The following TBC1D4 variants were observed in gnomAD, a reference collection of about 807,000 sequenced individuals.
The protein encoded by TBC1D4 is TBC1 domain family member 4, also known as TBC (Tre-2, BUB2, CDC16) domain-containing protein.
In TBC1D4, 121 loss-of-function variants were observed where a neutral mutation model predicts 142.5. The ratio of observed to expected loss-of-function variants is 0.85; its 90% confidence interval spans 0.73 to 0.99. The LOEUF is 0.99. Among genes scored for constraint, TBC1D4 ranks in the 50% least tolerant of loss-of-function variants. The probability of loss-of-function intolerance (pLI) is 0.00; values close to 1 mark genes in which losing one functional copy is unlikely to be tolerated. For synonymous variants in TBC1D4, 630 were observed against 628.2 expected (o/e 1.00, Z -0.04); for missense variants, 1,475 against 1,606.6 (o/e 0.92, Z 1.40).
At chr13:75,312,078 A>AT (rs1877810757) in intron 13 of TBC1D4, among the ~76,000 whole-genome samples, 1 of 151,910 alleles carries the variant, frequency 6.6e-6, no homozygotes, top group South Asian at 2.1e-4. Flanking sequence ...TGTTCTCATG[A>AT]TTGTTCTATC....
intron 1 of TBC1D4, among the ~76,000 whole-genome samples, chr13:75,444,169 C>T (rs1458726641): frequency 2.0e-5 from 3 of 152,114 alleles, no homozygotes; most frequent in East Asian, 1.9e-4. Flanking sequence ...GTTGCGAAAG[C>T]GGAGCGCAGT....
intron 11 of TBC1D4, among the ~76,000 whole-genome samples, chr13:75,321,076 C>G (rs1356423884): frequency 1.3e-5 from 2 of 151,468 alleles, no homozygotes; most frequent in African/African-American, 2.4e-5. Flanking sequence ...GTTAGCGTAT[C>G]TCCTACCCTA....
At chr13:75,345,591 T>C (rs1269380495) in intron 5 of TBC1D4, among the ~76,000 whole-genome samples, 1 of 152,136 alleles carries the variant, frequency 6.6e-6, no homozygotes, top group Non-Finnish European at 1.5e-5. Context: ...TTCTTTTTCT[T>C]TAAAAAGGTA....
chr13:75,315,289 C>A (rs772251799), intron 12 of TBC1D4, among the ~76,000 whole-genome samples: 1 of 150,778 alleles, frequency 6.6e-6, no homozygotes, highest in East Asian at 1.9e-4. Context: ...GCCTGAGCAA[C>A]AGGGCAAGAC....
At chr13:75,441,747 C>A (rs907382014) in intron 1 of TBC1D4, among the ~76,000 whole-genome samples, 11 of 152,104 alleles carry the variant, frequency 7.2e-5, no homozygotes, top group African/African-American at 2.7e-4. Flanking sequence ...GAATGACAAC[C>A]CTTCAGCCTT....
chr13:75,337,232 A>G (rs760756611), intron 7 of TBC1D4, among the ~76,000 whole-genome samples, 192 bp from the exon 8 acceptor site: 5 of 152,188 alleles, frequency 3.3e-5, no homozygotes, highest in Non-Finnish European at 5.9e-5. Context: ...TTCATATTGT[A>G]TGTAATAAAA....
At chr13:75,466,784 T>C (rs1888186346) in intron 1 of TBC1D4, among the ~76,000 whole-genome samples, 1 of 151,824 alleles carries the variant, frequency 6.6e-6, no homozygotes, top group East Asian at 1.9e-4. Flanking sequence ...GGCAGGAGAA[T>C]CGCTTAAGCC....
At chr13:75,401,122 C>T (rs925475898) in intron 1 of TBC1D4, among the ~76,000 whole-genome samples, 1 of 152,176 alleles carries the variant, frequency 6.6e-6, no homozygotes, top group African/African-American at 2.4e-5. Context: ...TATCAAAATG[C>T]TTTCAAAAAT....
intron 19 of TBC1D4, 68 bp downstream of exon 19, chr13:75,292,034 G>T (rs1345092545): frequency 3.0e-6 from 4 of 1,335,048 alleles, no homozygotes; most frequent in East Asian, 4.7e-5. Context: ...ACATTTTTAG[G>T]CTAAAGCATT....
chr13:75,431,782 C>T (rs1886600725), intron 1 of TBC1D4, among the ~76,000 whole-genome samples: 1 of 152,058 alleles, frequency 6.6e-6, no homozygotes, highest in African/African-American at 2.4e-5. Flanking sequence ...AGGATCTGTA[C>T]TGGTACTAAA....
At chr13:75,409,486 A>G (rs768217929) in intron 1 of TBC1D4, among the ~76,000 whole-genome samples, 1 of 152,142 alleles carries the variant, frequency 6.6e-6, no homozygotes, top group Non-Finnish European at 1.5e-5. Context: ...TTCCTTCCCA[A>G]TGTAGATTTA....
intron 1 of TBC1D4, among the ~76,000 whole-genome samples, chr13:75,370,440 G>A (rs1307437330): frequency 6.6e-6 from 1 of 152,188 alleles, no homozygotes; most frequent in African/African-American, 2.4e-5. Flanking sequence ...GGTGTCTACT[G>A]CACTCATCCA....
chr13:75,452,697 T>G (rs1593902136), intron 1 of TBC1D4, among the ~76,000 whole-genome samples: 1 of 152,302 alleles, frequency 6.6e-6, no homozygotes, highest in East Asian at 1.9e-4. Flanking sequence ...CTGGTGAAAG[T>G]TGAACTATAC....
intron 15 of TBC1D4, 172 bp from the exon 16 acceptor site, chr13:75,302,573 G>A (rs1334383379): frequency 5.6e-6 from 4 of 708,458 alleles, no homozygotes; most frequent in Non-Finnish European, 9.5e-6. Flanking sequence ...GAATCCTATA[G>A]CTCTTGATGC....
chr13:75,330,773 T>G (rs1050681138), intron 8 of TBC1D4, among the ~76,000 whole-genome samples: 3 of 152,252 alleles, frequency 2.0e-5, no homozygotes, highest in Admixed American at 1.3e-4. Flanking sequence ...CAAATTCTTT[T>G]CAGTTCTTCA....
intron 1 of TBC1D4, among the ~76,000 whole-genome samples, chr13:75,426,060 T>C (rs1886359861): frequency 6.6e-6 from 1 of 152,204 alleles, no homozygotes; most frequent in Admixed American, 6.5e-5. Context: ...CAAAACATCA[T>C]GTTTTATACC....
At position 75,478,099 on chromosome 13, in the gene TBC1D4, C is replaced by A. The variant is rs765512333; in HGVS notation, c.498+3171G>T. Among the ~76,000 whole-genome samples the A allele has an allele frequency of 1.3e-5, 2 of 152,188 alleles. 1 individual carries two copies. The highest frequency in any genetic ancestry group is 2.9e-5 in the Non-Finnish European group (2 of 68,030). ...CAACTCCCCACAACAGACCCCCAAG[C>A]GATTAGTACAGCACTCCCAGCTCTA... On this transcript the variant is annotated intron_variant, in intron 1 of 20. Coordinates refer to ENST00000377636, the MANE Select transcript of TBC1D4 (RefSeq NM_014832.5).
intron 5 of TBC1D4, 51 bp downstream of exon 5, chr13:75,349,119 C>T: frequency 6.2e-7 from 1 of 1,613,158 alleles, no homozygotes; most frequent in South Asian, 1.1e-5. Flanking sequence ...TTTCTCATTT[C>T]CCAAATGCCA....
In TBC1D4 at chr13:75,379,262, GCA is replaced by G. The variant is rs140885604; in HGVS notation, c.499-16657_499-16656del. Among the ~76,000 whole-genome samples, 842 of 148,780 alleles carry G rather than the reference GCA, an allele frequency of 5.7e-3. 8 individuals are homozygous for G. The highest frequency in any genetic ancestry group is 0.015 in the African/African-American group (628 of 40,806). ...CGTGAATTTTTATACATACACACAT[GCA>G]CACACACACACACACAGCTTTTCAA... On this transcript the variant is annotated intron_variant, in intron 1 of 20. Coordinates refer to ENST00000377636, the MANE Select transcript of TBC1D4 (RefSeq NM_014832.5).
Sources: allele counts gnomAD v4.1 joint callset (sites outside exome capture counted in the v4.1 genomes callset), GRCh38; gene constraint gnomAD v4.1.1; transcripts MANE v1.5; gene names NCBI Gene and HGNC (gene_info 2026-07-23, HGNC 2026-07-21).